The following PTPRD variants were observed in gnomAD, a reference collection of about 807,000 sequenced individuals.
PTPRD encodes receptor-type tyrosine-protein phosphatase delta.
Under a neutral mutation model 214.5 loss-of-function variants are expected in PTPRD, and 34 were observed. The observed-to-expected ratio is 0.16, with a 90% CI of 0.12 to 0.21. PTPRD has a LOEUF of 0.21. Among genes scored for constraint, PTPRD ranks in the 10% least tolerant of loss-of-function variants. PTPRD has a pLI of 1.00. For missense variants in PTPRD, 2,545 were observed against 2,398.7 expected (o/e 1.06, Z -1.27); for synonymous variants, 1,128 against 845.7 (o/e 1.33, Z -5.79).
chr9:8,455,360 C>CA lies in PTPRD; in HGVS notation c.3875+5050dup, dbSNP rs1370023624. ...GTGCTGTCTGTGAACACAACTAGTT[C>CA]ATGCTTATAGATCCTTTCACCTGTG... On this transcript the variant is annotated intron_variant, in intron 33 of 45. Coordinates refer to ENST00000381196, the MANE Select transcript of PTPRD (RefSeq NM_002839.4). 1.1e-4 allele frequency among the ~76,000 whole-genome samples: 17 copies of CA among 152,284 alleles called. No individual in the cohort carries two copies. The East Asian group carries it at 2.9e-3, about 26-fold the overall frequency.
intron 34 of PTPRD, among the ~76,000 whole-genome samples, chr9:8,438,253 G>A (rs2095425937): frequency 6.6e-6 from 1 of 152,152 alleles, no homozygotes; most frequent in Admixed American, 6.5e-5. Flanking sequence ...AATGGTTCTG[G>A]TAAGTTAAGT....
At chr9:9,008,401 G>A (rs2099491738) in intron 11 of PTPRD, among the ~76,000 whole-genome samples, 2 of 151,466 alleles carry the variant, frequency 1.3e-5, no homozygotes, top group South Asian at 4.2e-4. Context: ...CTAATTTTTT[G>A]TATTTTTATT....
At chr9:8,551,245 T>C (rs941505579) in intron 14 of PTPRD, among the ~76,000 whole-genome samples, 2 of 152,202 alleles carry the variant, frequency 1.3e-5, no homozygotes, top group South Asian at 2.1e-4. Context: ...ACATATTTTG[T>C]AATTAAATTT....
At chr9:9,439,714 C>T (rs1354380518) in intron 8 of PTPRD, among the ~76,000 whole-genome samples, 1 of 152,168 alleles carries the variant, frequency 6.6e-6, no homozygotes, top group East Asian at 1.9e-4. Flanking sequence ...AGATTCTTAC[C>T]TTCACTACCT....
intron 2 of PTPRD, among the ~76,000 whole-genome samples, chr9:10,446,417 CT>C (rs34478548): frequency 0.032 from 2,957 of 92,942 alleles, 13 homozygotes; most frequent in African/African-American, 0.078. Flanking sequence ...CTATTTTTTT[CT>C]TTTTTTTTTT....
chr9:8,737,336 C>A (rs1342347383), intron 11 of PTPRD, among the ~76,000 whole-genome samples: 1 of 152,166 alleles, frequency 6.6e-6, no homozygotes, highest in African/African-American at 2.4e-5. Context: ...CATTCCTTAT[C>A]TTGTTTATTA....
At chr9:9,716,361 A>G (rs2097831165) in intron 7 of PTPRD, among the ~76,000 whole-genome samples, 1 of 151,564 alleles carries the variant, frequency 6.6e-6, no homozygotes, top group Non-Finnish European at 1.5e-5. Flanking sequence ...TCCTTTGGGT[A>G]TATACCCAGT....
chr9:10,247,727 T>C (rs771030726), intron 3 of PTPRD, among the ~76,000 whole-genome samples: 2 of 152,138 alleles, frequency 1.3e-5, no homozygotes, highest in Non-Finnish European at 2.9e-5. Context: ...CTGACTTCCC[T>C]GGGAGCCAGA....
At chr9:10,370,410 C>A (rs950851505) in intron 2 of PTPRD, among the ~76,000 whole-genome samples, 5 of 151,934 alleles carry the variant, frequency 3.3e-5, no homozygotes, top group Admixed American at 6.6e-5. Context: ...TTTCTTGGGG[C>A]TATTCTATTT....
intron 11 of PTPRD, among the ~76,000 whole-genome samples, chr9:8,925,464 G>A (rs2098871253): frequency 6.6e-6 from 1 of 151,988 alleles, no homozygotes; most frequent in South Asian, 2.1e-4. Context: ...AGCTGTGTTT[G>A]TTCTGACAGG....
intron 8 of PTPRD, among the ~76,000 whole-genome samples, chr9:9,515,564 C>T (rs570714253): frequency 1.1e-4 from 17 of 151,610 alleles, no homozygotes; most frequent in African/African-American, 4.1e-4. Flanking sequence ...GTTCTTTTCT[C>T]GAGGTGGTTG....
At chr9:10,510,283 C>T (rs945057537) in intron 2 of PTPRD, among the ~76,000 whole-genome samples, 4 of 152,020 alleles carry the variant, frequency 2.6e-5, no homozygotes, top group Non-Finnish European at 2.9e-5. Flanking sequence ...ACTCCATGTA[C>T]CCCCTCGACA....
At chr9:9,500,120 T>C (rs758390778) in intron 8 of PTPRD, among the ~76,000 whole-genome samples, 11 of 152,144 alleles carry the variant, frequency 7.2e-5, no homozygotes, top group Non-Finnish European at 1.3e-4. Flanking sequence ...CAGTTGCTTT[T>C]CCATTCCTAG....
chr9:10,157,481 T>A (rs183467822), intron 3 of PTPRD, among the ~76,000 whole-genome samples: 18 of 152,284 alleles, frequency 1.2e-4, no homozygotes, highest in Admixed American at 1.1e-3. Flanking sequence ...TGGATAGTAG[T>A]GTCTCTGCTG....
At chr9:9,738,774 T>C (rs2098347523) in intron 6 of PTPRD, among the ~76,000 whole-genome samples, 3 of 152,096 alleles carry the variant, frequency 2.0e-5, no homozygotes, top group Admixed American at 6.5e-5. Context: ...GTTGTCTTTT[T>C]ATTGTTGAGT....
intron 5 of PTPRD, among the ~76,000 whole-genome samples, chr9:9,832,816 C>T (rs568013160): frequency 1.3e-5 from 2 of 151,444 alleles, no homozygotes; most frequent in Non-Finnish European, 2.9e-5. Context: ...CTGACTGTAG[C>T]AGAGCAAAAA....
chr9:8,979,462 G>GA (rs1472679595), intron 11 of PTPRD, among the ~76,000 whole-genome samples: 3 of 151,782 alleles, frequency 2.0e-5, no homozygotes, highest in Non-Finnish European at 4.4e-5. Context: ...CTATGAAGTG[G>GA]AAAAAAGTAT....
At chr9:9,183,883 A>G (rs2099929760) in intron 9 of PTPRD, among the ~76,000 whole-genome samples, 2 of 152,046 alleles carry the variant, frequency 1.3e-5, no homozygotes. Context: ...CCATCTTATA[A>G]GCATTACATT....
intron 11 of PTPRD, among the ~76,000 whole-genome samples, chr9:8,974,677 T>G (rs990533320): frequency 6.6e-6 from 1 of 152,118 alleles, no homozygotes; most frequent in Non-Finnish European, 1.5e-5. Flanking sequence ...CTTTGCTTAC[T>G]CTATGTCATC....
Sources: allele counts gnomAD v4.1 joint callset (sites outside exome capture counted in the v4.1 genomes callset), GRCh38; gene constraint gnomAD v4.1.1; transcripts MANE v1.5; gene names NCBI Gene and HGNC (gene_info 2026-07-23, HGNC 2026-07-21).